ZZEF1: variants seen among roughly 807,000 people sequenced by gnomAD.
ZZEF1 encodes zinc finger ZZ-type and EF-hand domain containing 1, also known as zinc finger ZZ-type and EF-hand domain-containing protein 1.
Under a neutral mutation model 342.8 loss-of-function variants are expected in ZZEF1, and 157 were observed. The observed-to-expected ratio is 0.46, with a 90% confidence interval of 0.40 to 0.52. The LOEUF (loss-of-function observed/expected upper bound fraction) is 0.52. Ranked by LOEUF, ZZEF1 falls within the 20% of genes least tolerant of loss-of-function variation. ZZEF1 has a pLI of 0.00. For synonymous variants in ZZEF1, 1,505 were observed against 1,429.1 expected, an observed-to-expected ratio of 1.05 and a Z score of -1.20; for missense variants, 3,480 against 3,725.6, an observed-to-expected ratio of 0.93 and a Z score of 1.72.
chr17:4,087,782 CAACACACACA>C (rs887276913), intron 13 of ZZEF1, among the ~76,000 whole-genome samples: 8 of 81,976 alleles, frequency 9.8e-5, no homozygotes, highest in African/African-American at 3.9e-4. Context: ...TATATACACA[CAACACACACA>C]CACACACACA....
In ZZEF1 at chr17:4,050,768, A is replaced by T. The variant is rs745672544; in HGVS notation, c.5863+13T>A. 7.0e-5 allele frequency: 113 copies of T among 1,612,984 alleles called. 1 individual carries two copies. In the East Asian group the frequency reaches 2.5e-3, roughly 36 times the overall value. On this transcript the variant is annotated intron_variant, in intron 36 of 54. Transcript: ENST00000381638. ...TGAGGGCTGGTTTTGGTTTCTGTGC[A>T]TTGGGAAGTCACCTTTTCCCTGATG... is the stretch of plus-strand genomic sequence containing the variant.
intron 44 of ZZEF1, 126 bp from the exon 45 acceptor site, chr17:4,021,446 A>G: frequency 1.5e-6 from 1 of 659,560 alleles, no homozygotes. Context: ...AGAATGTGAA[A>G]TTAGAAAAGA....
chr17:4,132,500 C>T (rs191518442), intron 1 of ZZEF1, among the ~76,000 whole-genome samples: 1 of 152,134 alleles, frequency 6.6e-6, no homozygotes, highest in Non-Finnish European at 1.5e-5. Flanking sequence ...GCATCAAGAC[C>T]ATCCTGGCTA....
At chr17:4,040,249 G>T (rs2176324) in intron 39 of ZZEF1, among the ~76,000 whole-genome samples, 1 of 151,886 alleles carries the variant, frequency 6.6e-6, no homozygotes, top group Non-Finnish European at 1.5e-5. Context: ...GTATTCTAGC[G>T]CAACAAAAAA....
chr17:4,067,750 A>G (rs1186995928), intron 26 of ZZEF1, among the ~76,000 whole-genome samples: 2 of 152,082 alleles, frequency 1.3e-5, no homozygotes, highest in Non-Finnish European at 2.9e-5. Flanking sequence ...AAATTTTTTT[A>G]AGAGATAGGG....
chr17:4,045,084 G>A (rs528393830), intron 37 of ZZEF1, among the ~76,000 whole-genome samples: 5 of 152,136 alleles, frequency 3.3e-5, no homozygotes, highest in African/African-American at 1.2e-4. Context: ...AACCCAGGAG[G>A]AGGAGGTTGT....
intron 7 of ZZEF1, among the ~76,000 whole-genome samples, 161 bp downstream of exon 7, chr17:4,105,530 ACT>A (rs2058196763): frequency 7.2e-5 from 11 of 152,226 alleles, no homozygotes; most frequent in Non-Finnish European, 1.5e-4. Flanking sequence ...TAAATAGTGG[ACT>A]TTAGATGAGT....
intron 43 of ZZEF1, among the ~76,000 whole-genome samples, chr17:4,023,333 G>A (rs776666771): frequency 5.3e-5 from 8 of 152,170 alleles, no homozygotes; most frequent in Non-Finnish European, 1.0e-4. Flanking sequence ...CAAGCTCCAG[G>A]AGAGCAGGGA....
rs775151393 is a variant in ZZEF1 at position 4,114,289 on chromosome 17, T to A, written c.866+10A>T. ...TTTTAAAAAACAAAAAAGTATTATA[T>A]ACCACCCACCGAATCCAGTGTGAAC... is the stretch of plus-strand genomic sequence containing the variant. On this transcript the variant is annotated intron_variant, in intron 4 of 54. Transcript: ENST00000381638. 6.4e-7 allele frequency: 1 copy of A among 1,569,344 alleles called. No homozygotes were observed. Among genetic ancestry groups the A allele is most frequent in the Non-Finnish European group, 8.6e-7 (1 of 1,161,824 alleles).
At chr17:4,076,581 T>TGG in intron 21 of ZZEF1, 56 bp downstream of exon 21, 1 of 1,572,526 alleles carries the variant, frequency 6.4e-7, no homozygotes, top group Non-Finnish European at 8.6e-7. Context: ...TCACTAAGTG[T>TGG]GTCCCATCAC....
intron 3 of ZZEF1, 88 bp downstream of exon 3, chr17:4,116,884 G>A: frequency 7.6e-7 from 1 of 1,323,474 alleles, no homozygotes; most frequent in Non-Finnish European, 1.0e-6. Flanking sequence ...AGAAATGAAG[G>A]CAGGGAAAAG....
chr17:4,067,174 G>C lies in ZZEF1; in HGVS notation c.4144C>G (p.Arg1382Gly), dbSNP rs759412803. 6 of 1,612,298 alleles carry C rather than the reference G, an allele frequency of 3.7e-6. No homozygotes were observed. Among genetic ancestry groups the C allele is most frequent in the Non-Finnish European group, 5.1e-6 (6 of 1,179,316 alleles). ...AAAGAAAATCTTACCATCCATATTC[G>C]AATCCCATCTGCCAAGGAATAAACC... ...AQVYSLADGI[R>G]IWMLEMKQKS... The change falls in exon 27 of 55, where the codon CGA becomes GGA. Residue 1382 changes from arginine to glycine, a missense_variant. Around this residue, in one of 5 missense-constraint regions of ZZEF1, gnomAD observed 1,528 missense variants for 1,624.1 expected, o/e 0.94. Transcript: ENST00000381638.
intron 37 of ZZEF1, among the ~76,000 whole-genome samples, chr17:4,046,700 C>CACCAT (rs1444030182): frequency 6.6e-6 from 1 of 152,218 alleles, no homozygotes; most frequent in East Asian, 1.9e-4. Context: ...AAAGACCCGA[C>CACCAT]ACCATACTCC....
At chr17:4,027,760 T>C (rs1464524147) in intron 42 of ZZEF1, among the ~76,000 whole-genome samples, 1 of 152,014 alleles carries the variant, frequency 6.6e-6, no homozygotes, top group Non-Finnish European at 1.5e-5. Flanking sequence ...TCACCACACC[T>C]GGCTTTCTAA....
chr17:4,042,061 T>C (rs2056814832), intron 39 of ZZEF1, among the ~76,000 whole-genome samples: 1 of 152,168 alleles, frequency 6.6e-6, no homozygotes, highest in South Asian at 2.1e-4. Context: ...CAATGATGGC[T>C]TCAACTCATT....
intron 26 of ZZEF1, among the ~76,000 whole-genome samples, chr17:4,068,078 T>C (rs780449963): frequency 1.2e-4 from 19 of 152,132 alleles, no homozygotes; most frequent in Non-Finnish European, 2.2e-4. Flanking sequence ...ACCCTGTCTC[T>C]AAAAACAAAC....
chr17:4,052,052 A>C lies in ZZEF1; in HGVS notation c.5519T>G (p.Ile1840Arg). 1 of 1,614,176 alleles carries C rather than the reference A, an allele frequency of 6.2e-7. No individual in the cohort carries two copies. The highest frequency in any genetic ancestry group is 8.5e-7 in the Non-Finnish European group (1 of 1,180,014). ...AACATTGCAGTTCATCCTCCGGCCT[A>C]TGATCAAACCCTGGCAGTGGTCACA... ...FTCDHCQGLIIGRRMNCNVCD... is the reference protein window; with the variant it reads ...FTCDHCQGLIRGRRMNCNVCD... The change falls in exon 35 of 55, where the codon ATA (isoleucine) becomes AGA (arginine). Residue 1840 changes from isoleucine to arginine, a missense_variant. Ile to Arg is a moderately conservative substitution (Grantham distance 97). Around this residue, in one of 5 missense-constraint regions of ZZEF1, gnomAD observed 175 missense variants for 254.6 expected, o/e 0.69. Transcript: ENST00000381638.
At chr17:4,048,594 C>T (rs1158373591) in intron 37 of ZZEF1, among the ~76,000 whole-genome samples, 1 of 152,218 alleles carries the variant, frequency 6.6e-6, no homozygotes, top group Non-Finnish European at 1.5e-5. Context: ...TCTGTTTATG[C>T]AACTATGTGT....
At position 4,105,696 on chromosome 17, in the gene ZZEF1, G is replaced by C; in HGVS notation, c.1391C>G (p.Thr464Ser). 6.2e-7 allele frequency: 1 copy of C among 1,610,222 alleles called. No individual in the cohort carries two copies. The highest frequency in any genetic ancestry group is 8.5e-7 in the Non-Finnish European group (1 of 1,177,032). Residue 464 changes from threonine to serine, a missense_variant, in exon 7 of 55, where the codon ACT becomes AGT. By Grantham distance (58) the Thr-to-Ser change is moderately conservative (BLOSUM62 1). Transcript: ENST00000381638. ...EEVDSFLIRITSCCSTPEVEL... is the reference protein window; with the variant it reads ...EEVDSFLIRISSCCSTPEVEL... ...CCCTCATCAGCCTTGATTTTACCTA[G>C]TTATCCTTATGAGGAAACTGTCCAC...
Sources: gnomAD v4.1 joint callset for allele counts (sites outside exome capture counted in the v4.1 genomes callset) on GRCh38, gnomAD v4.1.1 for gene constraint, gnomAD v4.1.1 regional missense constraint, MANE v1.5 for transcripts, NCBI Gene and HGNC (gene_info 2026-07-23, HGNC 2026-07-21) for gene names.